The following RAB33B variants were observed in gnomAD, a reference collection of about 807,000 sequenced individuals.
RAB33B encodes RAB33B, member RAS oncogene family.
Under a neutral mutation model 15.0 loss-of-function variants are expected in RAB33B, and 6 were observed. The ratio of observed to expected loss-of-function variants is 0.40; its 90% CI spans 0.22 to 0.79. The LOEUF is 0.79. RAB33B is among the 30% of genes least tolerant of loss of function. The probability of loss-of-function intolerance (pLI) is 0.37; values close to 1 mark genes in which losing one functional copy is unlikely to be tolerated. For synonymous variants in RAB33B, 117 were observed against 108.3 expected, an observed-to-expected ratio of 1.08 and a Z score of -0.50; for missense variants, 257 against 296.4, an observed-to-expected ratio of 0.87 and a Z score of 0.98.
chr4:139,447,217 C>T, the RAB33B span, among the ~76,000 whole-genome samples: 31 of 152,294 alleles, frequency 2.0e-4, no homozygotes, highest in African/African-American at 6.3e-4. Flanking sequence ...AATGATAGAA[C>T]GGAATGGCCT....
chr4:139,472,333 A>G (rs948240021), intron 1 of RAB33B, among the ~76,000 whole-genome samples: 4 of 152,198 alleles, frequency 2.6e-5, no homozygotes, highest in South Asian at 2.1e-4. Flanking sequence ...GTGTATAGTA[A>G]CCAAATTTAC....
At chr4:139,443,732 A>G in the RAB33B span, among the ~76,000 whole-genome samples, 1 of 152,328 alleles carries the variant, frequency 6.6e-6, no homozygotes, top group African/African-American at 2.4e-5. Context: ...GTAAACGCTG[A>G]TGAACTTTTT....
intron 1 of RAB33B, among the ~76,000 whole-genome samples, chr4:139,470,657 A>G (rs1465669340): frequency 6.6e-6 from 1 of 152,242 alleles, no homozygotes; most frequent in African/African-American, 2.4e-5. Flanking sequence ...ACTTGCAGTC[A>G]GCAAGTCTCA....
the RAB33B span, among the ~76,000 whole-genome samples, chr4:139,447,595 A>G: frequency 7.3e-5 from 11 of 151,588 alleles, no homozygotes; most frequent in Non-Finnish European, 1.3e-4. Flanking sequence ...ACAGTCTAAG[A>G]AGGGAGTTAC....
At chr4:139,447,658 CTTTTTTTT>C in the RAB33B span, among the ~76,000 whole-genome samples, 4 of 85,698 alleles carry the variant, frequency 4.7e-5, no homozygotes, top group African/African-American at 4.7e-5. Context: ...CAGTCTACTA[CTTTTTTTT>C]TTTTTTTTTT....
chr4:139,472,676 C>G lies in RAB33B; in HGVS notation c.250-10C>G. 6.4e-7 allele frequency: 1 copy of G among 1,561,104 alleles called. No individual in the cohort carries two copies. Among genetic ancestry groups the G allele is most frequent in the Non-Finnish European group, 8.7e-7 (1 of 1,151,250 alleles). On this transcript the variant is annotated splice_polypyrimidine_tract_variant and intron_variant, in intron 1 of 1. Transcript: ENST00000305626. ...ATTTTCAGTTTTCCTCTTTTTCTTCCCATTTTTAGATCCAGCTATGGGACA... is the reference window on the plus strand; with the variant it reads ...ATTTTCAGTTTTCCTCTTTTTCTTCGCATTTTTAGATCCAGCTATGGGACA...
At chr4:139,447,347 T>G in the RAB33B span, among the ~76,000 whole-genome samples, 1 of 152,264 alleles carries the variant, frequency 6.6e-6, no homozygotes, top group Admixed American at 6.5e-5. Flanking sequence ...ATTTCTCTCA[T>G]AGCCAGGATT....
the RAB33B span, among the ~76,000 whole-genome samples, chr4:139,447,658 C>CTTTTT: frequency 3.7e-4 from 32 of 85,698 alleles, 1 homozygote; most frequent in Non-Finnish European, 6.2e-4. Flanking sequence ...CAGTCTACTA[C>CTTTTT]TTTTTTTTTT....
chr4:139,472,942 C>A lies in RAB33B; in HGVS notation c.506C>A (p.Thr169Lys). ...PTDLAQKFAD[T>K]HSMPLFETSA... Reference sequence around the variant, plus strand: ...GACTTGGCACAAAAATTTGCTGACACACACAGTATGCCTTTGTTTGAAACG... The same window carrying A: ...GACTTGGCACAAAAATTTGCTGACAAACACAGTATGCCTTTGTTTGAAACG... Residue 169 changes from threonine (T) to lysine (K), a missense_variant, in exon 2 of 2, where the codon ACA (threonine) becomes AAA (lysine). Physicochemically the swap from Thr to Lys is moderately conservative, Grantham distance 78. Coordinates refer to ENST00000305626, the MANE Select transcript of RAB33B (RefSeq NM_031296.3). The A allele has an allele frequency of 6.2e-7, 1 of 1,614,182 alleles. No individual in the cohort carries two copies. The highest frequency in any genetic ancestry group is 8.5e-7 in the Non-Finnish European group (1 of 1,180,022).
At chr4:139,441,906 T>C in the RAB33B span, among the ~76,000 whole-genome samples, 1 of 152,220 alleles carries the variant, frequency 6.6e-6, no homozygotes, top group Non-Finnish European at 1.5e-5. Flanking sequence ...TTGTTTCATT[T>C]TCATTCATTC....
intron 1 of RAB33B, among the ~76,000 whole-genome samples, chr4:139,456,952 G>A (rs1348313175): frequency 6.6e-6 from 1 of 152,032 alleles, no homozygotes; most frequent in African/African-American, 2.4e-5. Context: ...TTCATATTAC[G>A]TCTTTGGAAA....
chr4:139,447,365 C>T, the RAB33B span, among the ~76,000 whole-genome samples: 3 of 152,092 alleles, frequency 2.0e-5, no homozygotes, highest in Non-Finnish European at 4.4e-5. Context: ...ATTCACAGGT[C>T]CAGGAATCAA....
At chr4:139,454,884 A>C (rs1240639530) in intron 1 of RAB33B, among the ~76,000 whole-genome samples, 2 of 152,082 alleles carry the variant, frequency 1.3e-5, no homozygotes, top group Non-Finnish European at 2.9e-5. Flanking sequence ...CATTCATTCG[A>C]GCAGTGCCTT....
At chr4:139,454,068 G>T, upstream of RAB33B, 2 of 1,145,576 alleles carry the variant, frequency 1.7e-6, no homozygotes, top group Non-Finnish European at 2.4e-6. Flanking sequence ...CTCGGGGCTG[G>T]TGGGCGGTGG....
the RAB33B span, among the ~76,000 whole-genome samples, chr4:139,444,685 A>G: frequency 3.9e-5 from 6 of 152,160 alleles, no homozygotes; most frequent in Non-Finnish European, 7.3e-5. Context: ...AGTTCAAGTA[A>G]TTAATGAAGT....
rs953391344 is a variant in RAB33B at position 139,475,655 on chromosome 4, C to A, written c.*2529C>A. 6.6e-6 allele frequency: 1 copy of A among 151,888 alleles called. No individual in the cohort carries two copies. Among genetic ancestry groups the A allele is most frequent in the Non-Finnish European group, 1.5e-5 (1 of 67,916 alleles). The allele number at this position is 151,888 out of a possible 1,614,324, so 9.4% of individuals were successfully genotyped here. ...AGAACAAATCACACATTTAAAAAATCTGTAGAATTTATTTTAACTATGACC... is the reference window on the plus strand; with the variant it reads ...AGAACAAATCACACATTTAAAAAATATGTAGAATTTATTTTAACTATGACC... On this transcript the variant is annotated 3_prime_UTR_variant, in exon 2 of 2. Transcript: ENST00000305626.
chr4:139,447,753 G>A, the RAB33B span, among the ~76,000 whole-genome samples: 5 of 133,446 alleles, frequency 3.7e-5, no homozygotes, highest in South Asian at 7.6e-4. Flanking sequence ...TGCAAGCTCC[G>A]CCTCCCGGGT....
chr4:139,458,120 T>C (rs559090337), intron 1 of RAB33B, among the ~76,000 whole-genome samples: 33 of 152,334 alleles, frequency 2.2e-4, no homozygotes, highest in African/African-American at 7.5e-4. Context: ...CTTTATATTA[T>C]ATTCTCCATT....
rs538129385 is a variant in RAB33B, at chr4:139,456,393, A to T, written c.249+1949A>T. On this transcript the variant is annotated intron_variant, in intron 1 of 1. Transcript: ENST00000305626. Reference sequence around the variant, plus strand: ...TATCTGTTCCTGGGTTGCCATTTATACTTAAAGATAACAGATGAATCAGGT... The same window carrying T: ...TATCTGTTCCTGGGTTGCCATTTATTCTTAAAGATAACAGATGAATCAGGT... 3.7e-4 allele frequency among the ~76,000 whole-genome samples: 56 copies of T among 152,346 alleles called. 1 individual carries two copies. Among genetic ancestry groups the T allele is most frequent in the Middle Eastern group, 3.4e-3 (1 of 294 alleles).
Sources: allele counts gnomAD v4.1 joint callset (sites outside exome capture counted in the v4.1 genomes callset), GRCh38; gene constraint gnomAD v4.1.1; transcripts MANE v1.5; gene names NCBI Gene and HGNC (gene_info 2026-07-23, HGNC 2026-07-21).